Variants in DRC1 observed in about 807,000 individuals in gnomAD.
DRC1 encodes the protein dynein regulatory complex protein 1.
Under a neutral mutation model 98.7 loss-of-function variants are expected in DRC1, and 74 were observed. The ratio of observed to expected loss-of-function variants is 0.75; its 90% CI spans 0.62 to 0.91. DRC1 has a LOEUF of 0.91. DRC1 is among the 40% of genes least tolerant of loss of function. DRC1 has a pLI of 0.00. For missense variants in DRC1, 875 were observed against 886.0 expected, an observed-to-expected ratio of 0.99 and a Z score of 0.16; for synonymous variants, 336 against 334.1, an observed-to-expected ratio of 1.01 and a Z score of -0.06.
intron 2 of DRC1, among the ~76,000 whole-genome samples, chr2:26,418,557 T>TTATATATAATATATATTATATATAA (rs1678894851): frequency 1.1e-5 from 1 of 94,928 alleles, no homozygotes; most frequent in East Asian, 2.8e-4. Flanking sequence ...TTATATATAA[T>TTATATATAATATATATTATATATAA]TTATATATAA....
At chr2:26,425,937 T>C (rs1663272906) in intron 4 of DRC1, among the ~76,000 whole-genome samples, 1 of 152,204 alleles carries the variant, frequency 6.6e-6, no homozygotes, top group African/African-American at 2.4e-5. Context: ...TATTTTTGAT[T>C]TTGCTGCCTG....
At chr2:26,437,951 T>C (rs952508631) in intron 7 of DRC1, among the ~76,000 whole-genome samples, 1 of 151,096 alleles carries the variant, frequency 6.6e-6, no homozygotes, top group Non-Finnish European at 1.5e-5. Context: ...TAGCTGGGCG[T>C]GGCGGTGGCA....
intron 10 of DRC1, 156 bp from the exon 11 acceptor site, chr2:26,448,534 GC>G: frequency 1.2e-6 from 1 of 814,696 alleles, no homozygotes; most frequent in Non-Finnish European, 2.1e-6. Context: ...CACGTAATAG[GC>G]TTTTTTCATC....
In DRC1 at chr2:26,402,116, A is replaced by C. The variant is rs1474989280; in HGVS notation, c.127A>C (p.Ile43Leu). 3.1e-6 allele frequency: 5 copies of C among 1,611,064 alleles called. No individual in the cohort carries two copies. The highest frequency in any genetic ancestry group is 4.2e-6 in the Non-Finnish European group (5 of 1,179,172). Residue 43 changes from isoleucine to leucine, a missense_variant, in exon 1 of 17, where the codon ATC becomes CTC. Coordinates refer to ENST00000288710, the MANE Select transcript of DRC1 (RefSeq NM_145038.5). The stretch of plus-strand genomic sequence containing the variant: ...GCGCATCCAGGCCCGGCGCCTCCGC[A>C]TCGCTGCGCGCTTAGAAGCCCGGAG... ...QERIQARRLR[I>L]AARLEARRRE...
In DRC1 at chr2:26,426,691, A is replaced by T. The variant is rs1663293700; in HGVS notation, c.540+2237A>T. On this transcript the variant is annotated intron_variant, in intron 4 of 16. Coordinates refer to ENST00000288710, the MANE Select transcript of DRC1 (RefSeq NM_145038.5). ...CTGTAGTATGTTTTGAAACCAGGAA[A>T]TGTGGGGCCTCCAACTTTGTTCTTT... Among the ~76,000 whole-genome samples the T allele has an allele frequency of 2.6e-5, 4 of 152,058 alleles. No individual in the cohort carries two copies. In the South Asian group the frequency reaches 6.2e-4, roughly 24 times the overall value.
chr2:26,419,927 T>C (rs1375176872), intron 2 of DRC1, among the ~76,000 whole-genome samples: 1 of 152,200 alleles, frequency 6.6e-6, no homozygotes, highest in Non-Finnish European at 1.5e-5. Context: ...AGCTACAATC[T>C]TTTCCTGCCT....
At position 26,444,301 on chromosome 2, in the gene DRC1, A is replaced by G; in HGVS notation, c.1108A>G (p.Thr370Ala). Residue 370 changes from threonine (T) to alanine (A), a missense_variant, in exon 9 of 17, where the codon ACC (threonine) becomes GCC (alanine). Coordinates refer to ENST00000288710, the MANE Select transcript of DRC1 (RefSeq NM_145038.5). ...GTTTCAGGAGGAGAACCAGTCTCTA[A>G]CCTCGGACTACAAACGTCTTGTGAT... ...KQFQEENQSL[T>A]SDYKRLVMQF... 6.2e-7 allele frequency: 1 copy of G among 1,614,204 alleles called. No individual in the cohort carries two copies. Among genetic ancestry groups the G allele is most frequent in the South Asian group, 1.1e-5 (1 of 91,082 alleles).
chr2:26,456,109 C>T (rs17005360), intron 16 of DRC1, among the ~76,000 whole-genome samples: 11,417 of 152,210 alleles, frequency 0.075, 759 homozygotes, highest in African/African-American at 0.18. Flanking sequence ...GTATGGTTCC[C>T]GCTTCCACAG....
intron 2 of DRC1, among the ~76,000 whole-genome samples, chr2:26,420,176 T>A (rs1558439066): frequency 6.6e-6 from 1 of 152,132 alleles, no homozygotes; most frequent in Non-Finnish European, 1.5e-5. Flanking sequence ...CAGCAGAGGG[T>A]ACACCTTTTC....
At chr2:26,403,125 C>G (rs74780987) in intron 1 of DRC1, among the ~76,000 whole-genome samples, 3,873 of 152,234 alleles carry the variant, frequency 0.025, 129 homozygotes, top group African/African-American at 0.08. Flanking sequence ...TAATAATAAA[C>G]TTTATTTTTT....
chr2:26,447,184 A>T (rs575879302), intron 10 of DRC1, among the ~76,000 whole-genome samples: 1 of 152,140 alleles, frequency 6.6e-6, no homozygotes, highest in South Asian at 2.1e-4. Context: ...GGAGGCCAAG[A>T]TGGGCGGATC....
At chr2:26,434,959 G>C (rs1372673137) in intron 7 of DRC1, among the ~76,000 whole-genome samples, 1 of 152,118 alleles carries the variant, frequency 6.6e-6, no homozygotes, top group African/African-American at 2.4e-5. Context: ...CAGAAAGGGG[G>C]AGCAACAGTG....
Position 26,444,595 on chromosome 2 carries a change from G to A in DRC1, c.1164-121G>A. On this transcript the variant is annotated intron_variant, in intron 9 of 16. Coordinates refer to ENST00000288710, the MANE Select transcript of DRC1 (RefSeq NM_145038.5). The stretch of plus-strand genomic sequence containing the variant: ...CGTAAGTGGGAATCAGCCGCCCAGG[G>A]ATGGGGCCAGGCCCAGGAATTAGCA... The A allele has an allele frequency of 1.0e-5, 11 of 1,090,214 alleles. No homozygotes were observed. The South Asian group carries it at 1.3e-4, about 13-fold the overall frequency. The allele number at this position is 1,090,214 out of a possible 1,614,324, so 67.5% of individuals were successfully genotyped here.
At position 26,418,161 on chromosome 2, in the gene DRC1, C is replaced by T. The variant is rs554782792; in HGVS notation, c.244-3127C>T. Among the ~76,000 whole-genome samples the T allele has an allele frequency of 2.2e-3, 341 of 152,118 alleles. 1 individual carries two copies. Among genetic ancestry groups the T allele is most frequent in the Admixed American group, 3.9e-3 (59 of 15,270 alleles). The stretch of plus-strand genomic sequence containing the variant: ...ATTGTCCCCTCTAGATTACTGAGTC[C>T]GATGGGAGCCAAAATTCCCCGTCCA... On this transcript the variant is annotated intron_variant, in intron 2 of 16. Transcript: ENST00000288710.
chr2:26,421,415 A>G lies in DRC1; in HGVS notation c.356+15A>G. On this transcript the variant is annotated intron_variant, in intron 3 of 16. Transcript: ENST00000288710. ...AAGCGTCAAAGGTAAGGACTGTGCT[A>G]CTCTGCAGCTGGTGGACATGAAGGT... 6.2e-7 allele frequency: 1 copy of G among 1,604,934 alleles called. No individual in the cohort carries two copies. Among genetic ancestry groups the G allele is most frequent in the Middle Eastern group, 1.7e-4 (1 of 6,030 alleles).
intron 7 of DRC1, among the ~76,000 whole-genome samples, chr2:26,432,737 A>G (rs960801203): frequency 1.3e-5 from 2 of 152,234 alleles, no homozygotes; most frequent in African/African-American, 4.8e-5. Flanking sequence ...TAGGACAGCT[A>G]CTGGTAATAA....
intron 4 of DRC1, among the ~76,000 whole-genome samples, chr2:26,424,866 C>T (rs548065110): frequency 4.6e-5 from 7 of 152,216 alleles, no homozygotes; most frequent in South Asian, 2.1e-4. Flanking sequence ...GCAGGAGGGT[C>T]GCCTTAACAT....
chr2:26,426,594 TG>T (rs1663291023), intron 4 of DRC1, among the ~76,000 whole-genome samples: 1 of 152,058 alleles, frequency 6.6e-6, no homozygotes, highest in Admixed American at 6.6e-5. Flanking sequence ...CTCGAACTCC[TG>T]ACCTCAGGTG....
In DRC1 at chr2:26,440,436, T is replaced by C; in HGVS notation, c.947T>C (p.Leu316Ser). The C allele has an allele frequency of 6.2e-7, 1 of 1,612,940 alleles. No individual in the cohort carries two copies. Among genetic ancestry groups the C allele is most frequent in the Non-Finnish European group, 8.5e-7 (1 of 1,179,634 alleles). ...ATTTATCAGCTAAACCAAGAGAAAT[T>C]AGAGTACAACTTGCAGGTGCTGAAG... ...KAIYQLNQEK[L>S]EYNLQVLKKR... Residue 316 changes from leucine to serine, a missense_variant, in exon 8 of 17, where the codon TTA (leucine) becomes TCA (serine). Coordinates refer to ENST00000288710, the MANE Select transcript of DRC1 (RefSeq NM_145038.5).
Sources: allele counts gnomAD v4.1 joint callset (sites outside exome capture counted in the v4.1 genomes callset), GRCh38; gene constraint gnomAD v4.1.1; transcripts MANE v1.5; gene names NCBI Gene and HGNC (gene_info 2026-07-23, HGNC 2026-07-21).